The following MRPS18B variants were observed in gnomAD, a reference collection of about 807,000 sequenced individuals.
MRPS18B encodes the protein small ribosomal subunit protein mS40.
Under a neutral mutation model 28.4 loss-of-function variants are expected in MRPS18B, and 27 were observed. The observed-to-expected ratio is 0.95, with a 90% CI of 0.70 to 1.31. The LOEUF (loss-of-function observed/expected upper bound fraction) is 1.31, where lower values mean the gene tolerates loss of function less well. Ranked by LOEUF, MRPS18B falls within the 40% of genes most tolerant of loss-of-function variation. The pLI is 0.00. For synonymous variants in MRPS18B, 118 were observed against 123.7 expected (o/e 0.95, Z 0.30); for missense variants, 343 against 335.9 (o/e 1.02, Z -0.17).
chr6:30,622,395 T>C (rs986923715), intron 4 of MRPS18B, among the ~76,000 whole-genome samples: 1 of 151,690 alleles, frequency 6.6e-6, no homozygotes, highest in African/African-American at 2.4e-5. Flanking sequence ...ACCGCATCTC[T>C]ACTAAAGATA....
intron 4 of MRPS18B, 137 bp downstream of exon 4, chr6:30,620,126 G>A: frequency 6.3e-6 from 5 of 788,134 alleles, no homozygotes; most frequent in Non-Finnish European, 1.1e-5. Context: ...GACCATCCTG[G>A]CTAACACGGT....
intron 5 of MRPS18B, 48 bp downstream of exon 5, chr6:30,622,946 G>A (rs546912811): frequency 1.3e-6 from 2 of 1,577,970 alleles, no homozygotes; most frequent in East Asian, 2.2e-5. Context: ...CTTGTGGCAT[G>A]CCTTGTTTAT....
At chr6:30,622,258 G>A (rs1424042261) in intron 4 of MRPS18B, among the ~76,000 whole-genome samples, 1 of 151,928 alleles carries the variant, frequency 6.6e-6, no homozygotes, top group Non-Finnish European at 1.5e-5. Flanking sequence ...CCTAAAGGCT[G>A]ACGTTAGAAC....
intron 1 of MRPS18B, 85 bp downstream of exon 1, chr6:30,618,028 T>C: frequency 1.4e-6 from 2 of 1,422,982 alleles, no homozygotes; most frequent in Non-Finnish European, 2.0e-6. Flanking sequence ...AATCCACGAG[T>C]GGAGACCTTC....
chr6:30,619,394 T>C (rs1760986853), intron 1 of MRPS18B, 99 bp from the exon 2 acceptor site: 1 of 896,934 alleles, frequency 1.1e-6, no homozygotes, highest in Non-Finnish European at 1.8e-6. Flanking sequence ...ATTCCATTAA[T>C]GCAGTATGTG....
chr6:30,617,890 G>A lies in MRPS18B; in HGVS notation c.25G>A (p.Val9Met). The change falls in exon 1 of 7, where the codon GTG becomes ATG. Residue 9 changes from valine to methionine, a missense_variant. Physicochemically the swap from Val to Met is conservative, Grantham distance 21. Transcript: ENST00000259873. Reference protein sequence around the residue: MAASVLNTVLRRLPMLSLF... With the variant: MAASVLNTMLRRLPMLSLF... The stretch of plus-strand genomic sequence containing the variant: ...GATGGCGGCGTCTGTATTAAACACC[G>A]TGCTGAGGCGGCTTCCTATGCTATC... 6.2e-7 allele frequency: 1 copy of A among 1,614,130 alleles called. No individual in the cohort carries two copies. The highest frequency in any genetic ancestry group is 8.5e-7 in the Non-Finnish European group (1 of 1,180,034).
chr6:30,624,193 A>G (rs2127468424), intron 5 of MRPS18B, among the ~76,000 whole-genome samples: 1 of 152,126 alleles, frequency 6.6e-6, no homozygotes, highest in East Asian at 1.9e-4. Context: ...CCTGGGTTCA[A>G]GCAGTTCTCC....
intron 4 of MRPS18B, among the ~76,000 whole-genome samples, chr6:30,621,436 A>G (rs1440870980): frequency 1.3e-5 from 2 of 152,186 alleles, no homozygotes; most frequent in Non-Finnish European, 2.9e-5. Flanking sequence ...AAAACATTAT[A>G]TCAATAAAAC....
intron 5 of MRPS18B, among the ~76,000 whole-genome samples, chr6:30,624,389 C>T (rs1040806050): frequency 2.6e-5 from 4 of 152,206 alleles, no homozygotes; most frequent in African/African-American, 9.7e-5. Flanking sequence ...AGCCACCGTG[C>T]CTGGCCTTGC....
chr6:30,619,384 A>G (rs548106671), intron 1 of MRPS18B, 109 bp from the exon 2 acceptor site: 21 of 817,590 alleles, frequency 2.6e-5, no homozygotes, highest in Middle Eastern at 2.4e-4. Flanking sequence ...TTCCTGTTAT[A>G]TTCCATTAAT....
intron 4 of MRPS18B, among the ~76,000 whole-genome samples, chr6:30,620,651 C>T (rs1237454380): frequency 6.6e-6 from 1 of 151,798 alleles, no homozygotes; most frequent in Non-Finnish European, 1.5e-5. Context: ...CTCACTGCAA[C>T]CTCCGCCTTC....
chr6:30,625,421 C>T (rs746271957), intron 6 of MRPS18B, 81 bp from the exon 7 acceptor site: 33 of 1,352,806 alleles, frequency 2.4e-5, no homozygotes, highest in Non-Finnish European at 3.3e-5. Flanking sequence ...CTGGTCCTTC[C>T]CTTTATAATC....
chr6:30,624,280 G>C (rs1309678066), intron 5 of MRPS18B, among the ~76,000 whole-genome samples: 1 of 151,832 alleles, frequency 6.6e-6, no homozygotes, highest in Non-Finnish European at 1.5e-5. Context: ...ATTTTTAGTA[G>C]AGACAGGGTT....
At position 30,624,934 on chromosome 6, in the gene MRPS18B, G is replaced by A. The variant is rs1305497767; in HGVS notation, c.473G>A (p.Arg158Lys). Reference protein sequence around the residue: ...KRLTQAIQKARDHGLLIYHIP... With the variant: ...KRLTQAIQKAKDHGLLIYHIP... ...TTGACCCAGGCCATCCAGAAAGCCA[G>A]GGATCATGGTGAGCATGAGACGGGG... The change falls in exon 6 of 7, where the codon AGG becomes AAG. Residue 158 changes from arginine to lysine, a missense_variant. Coordinates refer to ENST00000259873, the MANE Select transcript of MRPS18B (RefSeq NM_014046.4). 6.2e-7 allele frequency: 1 copy of A among 1,613,078 alleles called. No individual in the cohort carries two copies. The highest frequency in any genetic ancestry group is 8.5e-7 in the Non-Finnish European group (1 of 1,179,994).
chr6:30,625,319 G>C (rs976648882), intron 6 of MRPS18B, among the ~76,000 whole-genome samples, 183 bp from the exon 7 acceptor site: 1 of 152,180 alleles, frequency 6.6e-6, no homozygotes, highest in Non-Finnish European at 1.5e-5. Context: ...TTGTAAGCAA[G>C]AGCCCCAGCA....
chr6:30,624,812 TCAC>T, intron 5 of MRPS18B, 68 bp from the exon 6 acceptor site: 1 of 1,550,396 alleles, frequency 6.4e-7, no homozygotes, highest in Non-Finnish European at 8.9e-7. Flanking sequence ...TACCCCTCTG[TCAC>T]CATATGGAAG....
At chr6:30,617,973 C>T in intron 1 of MRPS18B, 30 bp downstream of exon 1, 1 of 1,612,388 alleles carries the variant, frequency 6.2e-7, no homozygotes, top group Non-Finnish European at 8.5e-7. Context: ...TTTGCACAAC[C>T]TCAAGTTGGT....
At chr6:30,620,158 A>G in intron 4 of MRPS18B, 169 bp downstream of exon 4, 2 of 635,766 alleles carry the variant, frequency 3.1e-6, no homozygotes, top group Non-Finnish European at 5.4e-6. Context: ...TCTACTAAAA[A>G]TACAAAAAAT....
chr6:30,623,717 CAG>C (rs895384581), intron 5 of MRPS18B, among the ~76,000 whole-genome samples: 1 of 151,908 alleles, frequency 6.6e-6, no homozygotes, highest in African/African-American at 2.4e-5. Context: ...TGACTCTAGA[CAG>C]AAAAATTTTG....
Sources: allele counts gnomAD v4.1 joint callset (sites outside exome capture counted in the v4.1 genomes callset), GRCh38; gene constraint gnomAD v4.1.1; transcripts MANE v1.5; gene names NCBI Gene and HGNC (gene_info 2026-07-23, HGNC 2026-07-21).